The following INTS7 variants were observed in gnomAD, a reference collection of about 807,000 sequenced individuals.
INTS7 encodes integrator complex subunit 7.
INTS7 carries 46 observed loss-of-function variants against 109.2 expected under a neutral mutation model. The ratio of observed to expected loss-of-function variants is 0.42; its 90% confidence interval spans 0.33 to 0.54. The LOEUF (loss-of-function observed/expected upper bound fraction) is 0.54, where lower values mean the gene tolerates loss of function less well. Ranked by LOEUF, INTS7 falls within the 20% of genes least tolerant of loss-of-function variation. The pLI is 0.07. For missense variants in INTS7, 929 were observed against 1,132.4 expected (o/e 0.82, Z 2.58); for synonymous variants, 412 against 402.9 (o/e 1.02, Z -0.27).
At chr1:212,003,694 T>C (rs1453907012) in intron 7 of INTS7, among the ~76,000 whole-genome samples, 1 of 152,194 alleles carries the variant, frequency 6.6e-6, no homozygotes, top group South Asian at 2.1e-4. Context: ...CATAAAAGTG[T>C]AGAGTGATGA....
At chr1:212,006,453 T>A (rs1299211097) in intron 7 of INTS7, among the ~76,000 whole-genome samples, 186 bp downstream of exon 7, 2 of 152,216 alleles carry the variant, frequency 1.3e-5, no homozygotes, top group Admixed American at 1.3e-4. Flanking sequence ...CATTGAAGTA[T>A]AGAAGTTTTA....
At position 211,978,204 on chromosome 1, in the gene INTS7, G is replaced by A. The variant is rs937467774; in HGVS notation, c.1470+68C>T. 16 of 1,558,784 alleles carry A rather than the reference G, an allele frequency of 1.0e-5. No individual in the cohort carries two copies. The African/African-American group carries it at 2.0e-4, about 20-fold the overall frequency. On this transcript the variant is annotated intron_variant, in intron 11 of 19. Coordinates refer to ENST00000366994, the MANE Select transcript of INTS7 (RefSeq NM_015434.4). ...TTAAGTAAAGTCAAATAGTAATGTT[G>A]ACTTAAAAGTAATTCCCACTAGACC... is the stretch of plus-strand genomic sequence containing the variant.
Position 211,982,712 on chromosome 1 carries a change from C to T in INTS7, c.1096G>A (p.Val366Ile), listed in dbSNP as rs779151436. 6.2e-7 allele frequency: 1 copy of T among 1,610,402 alleles called. No homozygotes were observed. The highest frequency in any genetic ancestry group is 1.1e-5 in the South Asian group (1 of 90,728). The change falls in exon 9 of 20, where the codon GTC becomes ATC. Residue 366 changes from valine to isoleucine, a missense_variant. Physicochemically the swap from Val to Ile is conservative, Grantham distance 29 (BLOSUM62 3). Around this residue, in one of 2 missense-constraint regions of INTS7, gnomAD observed 787 missense variants for 901.1 expected, o/e 0.87. Transcript: ENST00000366994. Reference sequence around the variant, plus strand: ...CAAGAAACAGTTATATTAGTTAGGACTCTAACTCCATGAGCTGCAATGCCC... The same window carrying T: ...CAAGAAACAGTTATATTAGTTAGGATTCTAACTCCATGAGCTGCAATGCCC... ...NRGIAAHGVR[V>I]LTNITVSCQE... is the part of the protein sequence containing the mutation.
At chr1:211,978,579 C>T in intron 10 of INTS7, 68 bp from the exon 11 acceptor site, 1 of 1,573,480 alleles carries the variant, frequency 6.4e-7, no homozygotes, top group Non-Finnish European at 8.7e-7. Context: ...AGGAAAAGAG[C>T]TTTGTACAGG....
intron 7 of INTS7, among the ~76,000 whole-genome samples, chr1:211,990,179 A>T (rs952402440): frequency 6.6e-6 from 1 of 152,200 alleles, no homozygotes; most frequent in Non-Finnish European, 1.5e-5. Flanking sequence ...TTTTTTTACA[A>T]ACTATTCAAT....
chr1:211,965,045 C>G (rs1663808319), intron 16 of INTS7, among the ~76,000 whole-genome samples: 1 of 152,088 alleles, frequency 6.6e-6, no homozygotes, highest in South Asian at 2.1e-4. Flanking sequence ...GAAAATTTTT[C>G]TAACTATGCA....
At chr1:212,023,529 T>A (rs1340285807) in intron 1 of INTS7, among the ~76,000 whole-genome samples, 1 of 152,230 alleles carries the variant, frequency 6.6e-6, no homozygotes, top group Non-Finnish European at 1.5e-5. Context: ...TCATGTTTGT[T>A]GACTGCTTGT....
chr1:212,007,172 G>T, intron 6 of INTS7, 78 bp downstream of exon 6: 2 of 1,023,870 alleles, frequency 2.0e-6, no homozygotes, highest in Non-Finnish European at 1.5e-6. Flanking sequence ...AGACTTGTGG[G>T]CCACTTTCTT....
intron 1 of INTS7, 30 bp from the exon 2 acceptor site, chr1:212,021,242 A>G (rs1666683570): frequency 3.2e-6 from 5 of 1,578,164 alleles, no homozygotes; most frequent in Non-Finnish European, 4.3e-6. Context: ...CAGAGAGGGA[A>G]GAACAGTTTG....
At chr1:212,002,102 T>C (rs1293991166) in intron 7 of INTS7, among the ~76,000 whole-genome samples, 2 of 152,208 alleles carry the variant, frequency 1.3e-5, no homozygotes, top group African/African-American at 4.8e-5. Context: ...GTCTTGCCCA[T>C]TCCAAGTAAA....
intron 4 of INTS7, among the ~76,000 whole-genome samples, chr1:212,016,685 G>T (rs1157244821): frequency 6.6e-6 from 1 of 152,120 alleles, no homozygotes; most frequent in African/African-American, 2.4e-5. Context: ...CACAATTAAT[G>T]CCAACATTTG....
chr1:211,966,525 A>G (rs1663887839), intron 15 of INTS7, 27 bp from the exon 16 acceptor site: 27 of 1,469,364 alleles, frequency 1.8e-5, no homozygotes, highest in Non-Finnish European at 2.5e-5. Context: ...GTTACATACG[A>G]AAATAGAGAA....
At chr1:211,949,971 A>G (rs1193885326) in intron 17 of INTS7, among the ~76,000 whole-genome samples, 1 of 152,198 alleles carries the variant, frequency 6.6e-6, no homozygotes, top group East Asian at 1.9e-4. Context: ...ATACAAATAC[A>G]TCTTCCCTCT....
chr1:211,979,028 TTC>T (rs1434460181), intron 10 of INTS7, among the ~76,000 whole-genome samples: 1 of 152,144 alleles, frequency 6.6e-6, no homozygotes, highest in Admixed American at 6.5e-5. Context: ...GTTCCCAATT[TTC>T]TCTTATTTCT....
intron 1 of INTS7, among the ~76,000 whole-genome samples, chr1:212,030,208 A>C (rs888167245): frequency 3.3e-5 from 5 of 152,146 alleles, no homozygotes; most frequent in African/African-American, 1.2e-4. Context: ...TAGCCCATCA[A>C]GGAATTACCA....
chr1:211,983,837 TTTTG>T (rs1033381067), intron 8 of INTS7, among the ~76,000 whole-genome samples: 4 of 139,082 alleles, frequency 2.9e-5, no homozygotes, highest in African/African-American at 7.4e-5. Flanking sequence ...TTTTTTGGGT[TTTTG>T]TTTGTTTTGT....
chr1:211,984,591 TTTTAA>T (rs1184149513), intron 8 of INTS7, among the ~76,000 whole-genome samples: 1 of 152,120 alleles, frequency 6.6e-6, no homozygotes, highest in Non-Finnish European at 1.5e-5. Flanking sequence ...ATAAGATTAT[TTTTAA>T]TTTAATTTTT....
At position 212,033,816 on chromosome 1, in the gene INTS7, T is replaced by TC. The variant is rs201055021; in HGVS notation, c.94+1527dup. 5.9e-3 allele frequency among the ~76,000 whole-genome samples: 895 copies of TC among 152,198 alleles called. 10 individuals are homozygous for TC. Among genetic ancestry groups the TC allele is most frequent in the African/African-American group, 0.02 (842 of 41,526 alleles). On this transcript the variant is annotated intron_variant, in intron 1 of 19. Transcript: ENST00000366994. The stretch of plus-strand genomic sequence containing the variant: ...CACATTTAAGGCCGGGCGCGGTGGC[T>TC]CATGCCTGTAAATCCCAGCACTTTG...
intron 10 of INTS7, among the ~76,000 whole-genome samples, chr1:211,979,089 G>A (rs1664541159): frequency 6.6e-6 from 1 of 152,112 alleles, no homozygotes; most frequent in Non-Finnish European, 1.5e-5. Context: ...TCTTACCAAG[G>A]CCTTCTTAAA....
Sources: gnomAD v4.1 joint callset for allele counts (sites outside exome capture counted in the v4.1 genomes callset) on GRCh38, gnomAD v4.1.1 for gene constraint, gnomAD v4.1.1 regional missense constraint, MANE v1.5 for transcripts, NCBI Gene and HGNC (gene_info 2026-07-23, HGNC 2026-07-21) for gene names.